KHSRP: variants seen among roughly 807,000 people sequenced by gnomAD.
KHSRP encodes KH-type splicing regulatory protein, also known as far upstream element-binding protein 2.
A neutral mutation model predicts 94.9 loss-of-function variants in KHSRP; 13 were observed. That is an observed-to-expected ratio of 0.14 (90% CI 0.09 to 0.22). The LOEUF is 0.22. KHSRP is among the 10% of genes least tolerant of loss of function. The pLI is 1.00. For synonymous variants in KHSRP, 495 were observed against 401.4 expected (o/e 1.23, Z -2.79); for missense variants, 710 against 1,010.0 (o/e 0.70, Z 4.03).
Position 6,424,501 on chromosome 19 carries a change from C to G in KHSRP, c.201G>C (p.Pro67=). Residue 67 remains proline, a synonymous_variant, in exon 1 of 19, where the codon CCG becomes CCC. Coordinates refer to ENST00000600480, the MANE Select transcript of KHSRP (RefSeq NM_001366299.1). The part of the protein sequence containing the change: ...GPSQPPGGGG[P]GIRKDAFADA... ...CGGCGAAAGCGTCCTTGCGGATTCC[C>G]GGGCCGCCTCCGCCGGGTGGCTGAG... is the stretch of plus-strand genomic sequence containing the variant. 1 of 988,702 alleles carries G rather than the reference C, an allele frequency of 1.0e-6. No individual in the cohort carries two copies. Among genetic ancestry groups the G allele is most frequent in the Non-Finnish European group, 1.2e-6 (1 of 833,638 alleles). The allele number at this position is 988,702 out of a possible 1,614,324, so 61.2% of individuals were successfully genotyped here.
chr19:6,416,451 G>A (rs2092147248), intron 14 of KHSRP, 39 bp downstream of exon 14: 1 of 1,612,810 alleles, frequency 6.2e-7, no homozygotes, highest in Non-Finnish European at 8.5e-7. Context: ...CTGGGATCCG[G>A]GCTGTGAGAC....
chr19:6,416,443 G>A, intron 14 of KHSRP, 36 bp from the exon 15 acceptor site: 3 of 1,612,836 alleles, frequency 1.9e-6, no homozygotes, highest in South Asian at 2.2e-5. Flanking sequence ...TAAGTGGGCT[G>A]GGATCCGGGC....
chr19:6,413,431 ATT>A lies in KHSRP; in HGVS notation c.*1591_*1592del. ...CCATACAATTTTTTTTGTTGTTCTC[ATT>A]TTGTTTTCAGTTTCAATCTCCTCTT... is the stretch of plus-strand genomic sequence containing the variant. On this transcript the variant is annotated 3_prime_UTR_variant, in exon 19 of 19. Transcript: ENST00000600480. 2.5e-6 allele frequency: 1 copy of A among 403,950 alleles called. No individual in the cohort carries two copies. Among genetic ancestry groups the A allele is most frequent in the South Asian group, 1.7e-5 (1 of 58,552 alleles). The allele number at this position is 403,950 out of a possible 1,614,324, so 25.0% of individuals were successfully genotyped here. A position where few individuals can be genotyped will look rare whatever the true frequency, so the allele number is the denominator to read the frequency against.
chr19:6,420,671 C>T (rs988066301), intron 4 of KHSRP, among the ~76,000 whole-genome samples, 200 bp from the exon 5 acceptor site: 1 of 152,230 alleles, frequency 6.6e-6, no homozygotes, highest in Non-Finnish European at 1.5e-5. Flanking sequence ...GGCCTGGTGC[C>T]GTCCCATTGA....
intron 6 of KHSRP, among the ~76,000 whole-genome samples, chr19:6,419,499 A>T (rs1021229063): frequency 6.6e-6 from 1 of 152,208 alleles, no homozygotes; most frequent in Non-Finnish European, 1.5e-5. Context: ...AGGGAGTTGC[A>T]GATTCCAGAA....
At chr19:6,421,799 T>C in intron 2 of KHSRP, 111 bp from the exon 3 acceptor site, 1 of 1,274,074 alleles carries the variant, frequency 7.8e-7, no homozygotes, top group Non-Finnish European at 1.1e-6. Context: ...CCCCCACCCT[T>C]AACAGGAGCT....
intron 11 of KHSRP, 57 bp downstream of exon 11, chr19:6,417,682 G>A (rs375416012): frequency 4.1e-6 from 6 of 1,467,304 alleles, no homozygotes; most frequent in African/African-American, 2.8e-5. Context: ...CTCAGAGCCT[G>A]CCTCCCAAAG....
At position 6,424,435 on chromosome 19, in the gene KHSRP, G is replaced by A. The variant is rs1360590367; in HGVS notation, c.249+18C>T. 7.8e-5 allele frequency: 77 copies of A among 988,368 alleles called. No homozygotes were observed. Among genetic ancestry groups the A allele is most frequent in the Non-Finnish European group, 7.9e-5 (66 of 833,318 alleles). The allele number at this position is 988,368 out of a possible 1,614,324, so 61.2% of individuals were successfully genotyped here. A position where few individuals can be genotyped will look rare whatever the true frequency, so the allele number is the denominator to read the frequency against. ...CGCGCGCGCGCGAGCGCGCCCCTCA[G>A]GCCCTCGGCCTCCTCACCTGGCGGG... On this transcript the variant is annotated intron_variant, in intron 1 of 18. Transcript: ENST00000600480.
chr19:6,421,476 G>T, intron 3 of KHSRP, 159 bp from the exon 4 acceptor site: 1 of 986,278 alleles, frequency 1.0e-6, no homozygotes, highest in Non-Finnish European at 1.5e-6. Context: ...AAAGCACAGA[G>T]CTCATCTCCC....
chr19:6,424,710 G>T lies in KHSRP; in HGVS notation c.-9C>A. On this transcript the variant is annotated 5_prime_UTR_variant, in exon 1 of 19. Transcript: ENST00000600480. ...GTGCTGTAGTCCGACATGGCGCGGC[G>T]GGGCCGGGCCTGGCGCGGAGGCTGA... The T allele has an allele frequency of 9.7e-7, 1 of 1,035,138 alleles. No individual in the cohort carries two copies. Among genetic ancestry groups the T allele is most frequent in the Non-Finnish European group, 1.2e-6 (1 of 861,466 alleles). The allele number at this position is 1,035,138 out of a possible 1,614,324, so 64.1% of individuals were successfully genotyped here.
intron 6 of KHSRP, 78 bp downstream of exon 6, chr19:6,419,995 G>T: frequency 1.8e-6 from 2 of 1,123,972 alleles, no homozygotes; most frequent in East Asian, 2.5e-5. Flanking sequence ...CAGTCCCCGT[G>T]GAAATTAAGT....
In KHSRP at chr19:6,415,650, A is replaced by T; in HGVS notation, c.1772T>A (p.Val591Asp). 1 of 1,536,838 alleles carries T rather than the reference A, an allele frequency of 6.5e-7. No homozygotes were observed. The highest frequency in any genetic ancestry group is 8.7e-7 in the Non-Finnish European group (1 of 1,142,992). The part of the protein sequence containing the change: ...SHYYQQPPGP[V>D]PGPAPAPAAP... ...CGCAGGGGCCGGTGCGGGGCCGGGG[A>T]CGGGGCCCGGGGGCTGCTGGTAGTA... is the stretch of plus-strand genomic sequence containing the variant. The change falls in exon 17 of 19, where the codon GTC (valine) becomes GAC (aspartate). Residue 591 changes from valine to aspartate, a missense_variant. By Grantham distance (152) the Val-to-Asp change is radical (BLOSUM62 -3). Around this residue, in one of 5 missense-constraint regions of KHSRP, gnomAD observed 292 missense variants for 340.5 expected, o/e 0.86. Transcript: ENST00000600480.
chr19:6,420,334 G>T, intron 5 of KHSRP, 88 bp downstream of exon 5: 1 of 1,362,718 alleles, frequency 7.3e-7, no homozygotes, highest in South Asian at 1.2e-5. Context: ...AGCCCTCTCA[G>T]ACCAGGGCTT....
rs746619151 is a variant in KHSRP at position 6,418,462 on chromosome 19, A to G, written c.879+21T>C. 1.9e-6 allele frequency: 3 copies of G among 1,598,354 alleles called. No individual in the cohort carries two copies. In the Admixed American group the frequency reaches 5.1e-5, roughly 27 times the overall value. ...CCCGTGCCTCTCCAGAACCCCCTCC[A>G]CCACCCCAGGGCGTGCTCACCTGCA... On this transcript the variant is annotated intron_variant, in intron 9 of 18. Coordinates refer to ENST00000600480, the MANE Select transcript of KHSRP (RefSeq NM_001366299.1). The surrounding 1 kb of genome is among the most constrained non-coding windows in gnomAD (Gnocchi z 4.3).
Position 6,414,421 on chromosome 19 carries a change from G to C in KHSRP, c.*603C>G. ...GGAGCTGCCCTGTCTCCGGAGGGCG[G>C]TGGCTCCCGGCGCAGCACGACGACA... On this transcript the variant is annotated 3_prime_UTR_variant, in exon 19 of 19. Coordinates refer to ENST00000600480, the MANE Select transcript of KHSRP (RefSeq NM_001366299.1). The C allele has an allele frequency of 7.9e-7, 1 of 1,268,910 alleles. No individual in the cohort carries two copies. Among genetic ancestry groups the C allele is most frequent in the Non-Finnish European group, 9.9e-7 (1 of 1,005,594 alleles). The allele number at this position is 1,268,910 out of a possible 1,614,324, so 78.6% of individuals were successfully genotyped here.
chr19:6,413,341 A>C lies in KHSRP; in HGVS notation c.*1683T>G. On this transcript the variant is annotated 3_prime_UTR_variant, in exon 19 of 19. Coordinates refer to ENST00000600480, the MANE Select transcript of KHSRP (RefSeq NM_001366299.1). ...AGGGGGGGAGACAGACAGCACCCGC[A>C]GACGGGGAGGTTTTGTTATCATTTA... 2.9e-6 allele frequency: 1 copy of C among 349,780 alleles called. No individual in the cohort carries two copies. Among genetic ancestry groups the C allele is most frequent in the Non-Finnish European group, 5.7e-6 (1 of 175,086 alleles). The allele number at this position is 349,780 out of a possible 1,614,324, so 21.7% of individuals were successfully genotyped here.
At chr19:6,422,509 A>G in intron 1 of KHSRP, 73 bp from the exon 2 acceptor site, 2 of 1,097,010 alleles carry the variant, frequency 1.8e-6, no homozygotes, top group Non-Finnish European at 2.8e-6. Context: ...TCAACTTCTC[A>G]GAACATCTCC....
intron 1 of KHSRP, among the ~76,000 whole-genome samples, chr19:6,423,487 G>A (rs1219397827): frequency 3.9e-5 from 6 of 152,200 alleles, no homozygotes; most frequent in African/African-American, 1.4e-4. Flanking sequence ...GATGCCCACA[G>A]GGGGCCTGTC....
In KHSRP at chr19:6,413,804, C is replaced by CT; in HGVS notation, c.*1219dup. On this transcript the variant is annotated 3_prime_UTR_variant, in exon 19 of 19. Coordinates refer to ENST00000600480, the MANE Select transcript of KHSRP (RefSeq NM_001366299.1). ...ATAATTTTATAAGTTCTGCTTTGCT[C>CT]TTTGTGTTTTTAATTTTTAAGTTTT... The CT allele has an allele frequency of 6.0e-6, 1 of 165,440 alleles. No homozygotes were observed. Among genetic ancestry groups the CT allele is most frequent in the South Asian group, 2.0e-4 (1 of 4,914 alleles). The allele number at this position is 165,440 out of a possible 1,614,324, so 10.2% of individuals were successfully genotyped here.
Sources: gnomAD v4.1 joint callset for allele counts (sites outside exome capture counted in the v4.1 genomes callset) on GRCh38, gnomAD v4.1.1 for gene constraint, gnomAD v4.1.1 regional missense constraint, Gnocchi (gnomAD v3.1) non-coding constraint, MANE v1.5 for transcripts, NCBI Gene and HGNC (gene_info 2026-07-23, HGNC 2026-07-21) for gene names.